Variants in ERC2 observed in about 807,000 individuals in gnomAD.
ERC2 encodes the protein ERC protein 2.
In ERC2, 42 loss-of-function variants were observed where a neutral mutation model predicts 114.8. That is an observed-to-expected ratio of 0.37 (90% CI 0.29 to 0.47). ERC2 has a LOEUF of 0.47. Ranked by LOEUF, ERC2 falls within the 20% of genes least tolerant of loss-of-function variation. The pLI is 0.99. For synonymous variants in ERC2, 454 were observed against 425.5 expected (o/e 1.07, Z -0.82); for missense variants, 939 against 1,150.7 (o/e 0.82, Z 2.66).
chr3:55,714,639 A>ATGTGTGTG (rs34850947), intron 15 of ERC2, among the ~76,000 whole-genome samples: 3 of 99,824 alleles, frequency 3.0e-5, no homozygotes, highest in African/African-American at 1.2e-4. Context: ...GTTTGTATAT[A>ATGTGTGTG]TGTGTGTGTG....
chr3:55,694,689 A>G (rs1202069264), intron 16 of ERC2, among the ~76,000 whole-genome samples: 1 of 152,292 alleles, frequency 6.6e-6, no homozygotes, highest in East Asian at 1.9e-4. Context: ...TCCAGCCCCA[A>G]AATATTTAGG....
At chr3:55,816,009 G>C (rs1194662145) in intron 14 of ERC2, among the ~76,000 whole-genome samples, 1 of 152,214 alleles carries the variant, frequency 6.6e-6, no homozygotes, top group East Asian at 1.9e-4. Context: ...CCTGGCATTG[G>C]TGGAGGACTG....
intron 15 of ERC2, among the ~76,000 whole-genome samples, chr3:55,726,312 G>T (rs2064912925): frequency 6.6e-6 from 1 of 152,206 alleles, no homozygotes; most frequent in Non-Finnish European, 1.5e-5. Context: ...ACTGCATGGG[G>T]TTCCTCTACT....
In ERC2 at chr3:55,639,674, T is replaced by A. The variant is rs79638786; in HGVS notation, c.*39+44120A>T. Among the ~76,000 whole-genome samples, 153 of 152,320 alleles carry A rather than the reference T, an allele frequency of 1.0e-3. No homozygotes were observed. In the East Asian group the frequency reaches 0.027, roughly 27 times the overall value. ...GTGTAAATACCTTGGCTGATTTCGA[T>A]CCTTATATTTAGAAAACCTGTCTCT... On this transcript the variant is annotated intron_variant, in intron 17 of 17. Coordinates refer to ENST00000288221, the MANE Select transcript of ERC2 (RefSeq NM_015576.3).
At chr3:56,015,407 T>G (rs2073237691) in intron 8 of ERC2, among the ~76,000 whole-genome samples, 1 of 144,644 alleles carries the variant, frequency 6.9e-6, no homozygotes, top group Admixed American at 6.9e-5. Flanking sequence ...TTCCCTTCCC[T>G]GTGTCCATGT....
intron 7 of ERC2, among the ~76,000 whole-genome samples, chr3:56,064,688 T>G (rs892951724): frequency 6.6e-6 from 1 of 152,174 alleles, no homozygotes; most frequent in African/African-American, 2.4e-5. Flanking sequence ...TTAACTCTAT[T>G]AAATATTTAG....
intron 7 of ERC2, among the ~76,000 whole-genome samples, chr3:56,058,183 C>T (rs2076093741): frequency 6.6e-6 from 1 of 152,136 alleles, no homozygotes; most frequent in African/African-American, 2.4e-5. Context: ...ACCAGAAAAC[C>T]CCTCCTGAAC....
chr3:56,016,512 G>T (rs1198585436), intron 8 of ERC2, among the ~76,000 whole-genome samples: 3 of 150,334 alleles, frequency 2.0e-5, no homozygotes, highest in African/African-American at 7.3e-5. Flanking sequence ...TTATCATAGA[G>T]CCTTGGTTCT....
chr3:56,418,418 T>A (rs1445502625), intron 2 of ERC2, among the ~76,000 whole-genome samples: 1 of 151,744 alleles, frequency 6.6e-6, no homozygotes, highest in East Asian at 1.9e-4. Flanking sequence ...AGCTACTCAC[T>A]CCATACTACA....
intron 17 of ERC2, among the ~76,000 whole-genome samples, chr3:55,554,316 C>T (rs538045908): frequency 6.7e-4 from 102 of 152,200 alleles, no homozygotes; most frequent in African/African-American, 2.4e-3. Context: ...TCTTTGAGAC[C>T]AAAGATGGCC....
chr3:56,447,454 T>C (rs769494461), intron 1 of ERC2, among the ~76,000 whole-genome samples: 7 of 152,086 alleles, frequency 4.6e-5, no homozygotes, highest in African/African-American at 1.7e-4. Context: ...GTGGGGAAGG[T>C]TGGGAAGGCG....
At chr3:55,657,018 A>T (rs1180943069) in intron 17 of ERC2, among the ~76,000 whole-genome samples, 3 of 151,976 alleles carry the variant, frequency 2.0e-5, no homozygotes, top group Non-Finnish European at 2.9e-5. Context: ...TGACTGCTGG[A>T]TTCCTGGCCC....
chr3:56,181,769 A>G (rs1043987079), intron 3 of ERC2, among the ~76,000 whole-genome samples: 1 of 152,182 alleles, frequency 6.6e-6, no homozygotes, highest in African/African-American at 2.4e-5. Context: ...TTTCTTGCTC[A>G]TATTCTTGGA....
intron 2 of ERC2, among the ~76,000 whole-genome samples, chr3:56,352,318 T>G (rs2058585187): frequency 6.6e-6 from 1 of 151,996 alleles, no homozygotes; most frequent in Non-Finnish European, 1.5e-5. Flanking sequence ...AAGAGACACT[T>G]AGGAGACAGC....
chr3:56,317,420 A>G (rs892450849), intron 2 of ERC2, among the ~76,000 whole-genome samples: 5 of 152,162 alleles, frequency 3.3e-5, no homozygotes, highest in African/African-American at 1.2e-4. Context: ...GATCCAGAAG[A>G]ACATAGAAAG....
chr3:56,079,367 G>A (rs1327736350), intron 7 of ERC2, among the ~76,000 whole-genome samples: 4 of 152,158 alleles, frequency 2.6e-5, no homozygotes, highest in African/African-American at 9.7e-5. Context: ...ACAATGGGCA[G>A]CACGGGTTCA....
At position 55,765,239 on chromosome 3, in the gene ERC2, T is replaced by C. The variant is rs542284712; in HGVS notation, c.2565-30321A>G. ...ACTGTAATATCCTCATAAATCAAAT[T>C]ATGCAAAATACATGCAATTATCTAC... On this transcript the variant is annotated intron_variant, in intron 14 of 17. Transcript: ENST00000288221. Among the ~76,000 whole-genome samples the C allele has an allele frequency of 6.6e-5, 10 of 152,320 alleles. 1 individual carries two copies. The South Asian group carries it at 2.1e-3, about 32-fold the overall frequency.
intron 2 of ERC2, among the ~76,000 whole-genome samples, chr3:56,340,434 T>G (rs2058040083): frequency 6.6e-6 from 1 of 152,046 alleles, no homozygotes; most frequent in Admixed American, 6.6e-5. Context: ...AGGTGTTTCC[T>G]GAAATTAGGT....
intron 14 of ERC2, among the ~76,000 whole-genome samples, chr3:55,792,884 G>A (rs2070161317): frequency 6.6e-6 from 1 of 152,068 alleles, no homozygotes; most frequent in Non-Finnish European, 1.5e-5. Context: ...GTCATTTTTA[G>A]CAACTAAGAA....
Sources: allele counts gnomAD v4.1 joint callset (sites outside exome capture counted in the v4.1 genomes callset), GRCh38; gene constraint gnomAD v4.1.1; transcripts MANE v1.5; gene names NCBI Gene and HGNC (gene_info 2026-07-23, HGNC 2026-07-21).